NELL1: variants seen among roughly 807,000 people sequenced by gnomAD.
NELL1 encodes protein kinase C-binding protein NELL1.
A neutral mutation model predicts 107.4 loss-of-function variants in NELL1; 76 were observed. The ratio of observed to expected loss-of-function variants is 0.71; its 90% confidence interval spans 0.59 to 0.86. NELL1 has a LOEUF of 0.86. Among genes scored for constraint, NELL1 ranks in the 40% least tolerant of loss-of-function variants. The pLI is 0.00. For synonymous variants in NELL1, 353 were observed against 341.2 expected (o/e 1.03, Z -0.38); for missense variants, 1,024 against 1,005.5 (o/e 1.02, Z -0.25).
chr11:20,792,904 T>C (rs1031904807), intron 3 of NELL1, among the ~76,000 whole-genome samples: 1 of 151,982 alleles, frequency 6.6e-6, no homozygotes, highest in Non-Finnish European at 1.5e-5. Context: ...TAGATTTTTC[T>C]GTGTATTTGA....
intron 14 of NELL1, among the ~76,000 whole-genome samples, chr11:21,365,822 G>T (rs770721792): frequency 5.3e-5 from 8 of 151,392 alleles, no homozygotes; most frequent in Non-Finnish European, 1.2e-4. Context: ...GAGGTTGAGG[G>T]GGGAGGAATG....
At chr11:20,939,383 CCAAA>C (rs1850799861) in intron 10 of NELL1, among the ~76,000 whole-genome samples, 4 of 151,668 alleles carry the variant, frequency 2.6e-5, no homozygotes, top group Non-Finnish European at 5.9e-5. Flanking sequence ...TAGATAGAGA[CCAAA>C]GAGTCCCAGA....
Position 21,026,645 on chromosome 11 carries a change from A to G in NELL1, c.1300+66085A>G, listed in dbSNP as rs78917067. Among the ~76,000 whole-genome samples the G allele has an allele frequency of 3.5e-3, 535 of 152,262 alleles. 5 individuals carry two copies. Among genetic ancestry groups the G allele is most frequent in the African/African-American group, 0.012 (497 of 41,550 alleles). On this transcript the variant is annotated intron_variant, in intron 12 of 19. Coordinates refer to ENST00000357134, the MANE Select transcript of NELL1 (RefSeq NM_006157.5). ...TATAGAACATTGCCTGGAATATTCT[A>G]TGCACTCATTCAGTGTTTGTTGAAT...
At chr11:21,460,223 A>T (rs1853865393) in intron 15 of NELL1, among the ~76,000 whole-genome samples, 1 of 152,130 alleles carries the variant, frequency 6.6e-6, no homozygotes, top group Admixed American at 6.6e-5. Flanking sequence ...ATGGACAAGC[A>T]TCAGGTAAAT....
At chr11:21,017,205 C>T (rs1002457510) in intron 12 of NELL1, among the ~76,000 whole-genome samples, 3 of 152,066 alleles carry the variant, frequency 2.0e-5, no homozygotes, top group Non-Finnish European at 2.9e-5. Flanking sequence ...AAGGAGGAGC[C>T]ACCATTCTCC....
rs372396347 is a variant in NELL1 at position 21,057,734 on chromosome 11, A to G, written c.1301-55855A>G. Among the ~76,000 whole-genome samples, 8 of 152,134 alleles carry G rather than the reference A, an allele frequency of 5.3e-5. No individual in the cohort carries two copies. In the South Asian group the frequency reaches 1.5e-3, roughly 28 times the overall value. ...TCCTATTTTAAAAAATTATACCAGT[A>G]CTTAAAAATGTATCCCCAAAATATA... On this transcript the variant is annotated intron_variant, in intron 12 of 19. Coordinates refer to ENST00000357134, the MANE Select transcript of NELL1 (RefSeq NM_006157.5).
At chr11:21,406,693 A>G (rs944345809) in intron 15 of NELL1, among the ~76,000 whole-genome samples, 2 of 151,922 alleles carry the variant, frequency 1.3e-5, no homozygotes, top group African/African-American at 2.4e-5. Flanking sequence ...CTCTATTCCT[A>G]TTTATTTTTA....
At chr11:21,114,195 G>C (rs1855177082) in intron 13 of NELL1, among the ~76,000 whole-genome samples, 2 of 151,992 alleles carry the variant, frequency 1.3e-5, no homozygotes, top group Admixed American at 6.6e-5. Context: ...ATATATGCTT[G>C]TTGTCTGTGT....
At chr11:21,266,121 A>G (rs1378277800) in intron 14 of NELL1, among the ~76,000 whole-genome samples, 1 of 151,882 alleles carries the variant, frequency 6.6e-6, no homozygotes, top group African/African-American at 2.4e-5. Context: ...TCATCTATGC[A>G]CTTCCACAAC....
intron 5 of NELL1, among the ~76,000 whole-genome samples, chr11:20,894,008 T>A (rs1396661092): frequency 3.3e-5 from 5 of 152,192 alleles, no homozygotes; most frequent in Admixed American, 1.3e-4. Flanking sequence ...AACTGTATGT[T>A]GTAGCCTGGC....
At chr11:21,535,422 G>T (rs966365849) in intron 16 of NELL1, among the ~76,000 whole-genome samples, 3 of 152,134 alleles carry the variant, frequency 2.0e-5, no homozygotes, top group African/African-American at 4.8e-5. Flanking sequence ...TCTCTGCTTA[G>T]GGTATATTGT....
At chr11:21,176,675 A>G (rs1279434562) in intron 13 of NELL1, among the ~76,000 whole-genome samples, 1 of 151,876 alleles carries the variant, frequency 6.6e-6, no homozygotes, top group African/African-American at 2.4e-5. Context: ...AGGTGTCCTT[A>G]TGCACTTTGC....
intron 5 of NELL1, among the ~76,000 whole-genome samples, chr11:20,917,941 A>G (rs1850292844): frequency 6.6e-6 from 1 of 151,958 alleles, no homozygotes; most frequent in South Asian, 2.1e-4. Flanking sequence ...TGGTGTTATA[A>G]TCTATAATTG....
chr11:21,193,981 C>T (rs1857099222), intron 13 of NELL1, among the ~76,000 whole-genome samples: 1 of 151,776 alleles, frequency 6.6e-6, no homozygotes, highest in African/African-American at 2.4e-5. Context: ...CATCCTTATT[C>T]CATCAAATTT....
intron 2 of NELL1, among the ~76,000 whole-genome samples, chr11:20,762,363 C>A (rs1324429518): frequency 4.6e-5 from 7 of 152,198 alleles, no homozygotes; most frequent in Non-Finnish European, 5.9e-5. Context: ...CTGAGCACGT[C>A]TGCGGTTACG....
intron 2 of NELL1, among the ~76,000 whole-genome samples, chr11:20,725,468 C>T (rs758122102): frequency 3.3e-5 from 5 of 152,108 alleles, no homozygotes; most frequent in Middle Eastern, 3.2e-3. Context: ...GGTGATGTGG[C>T]GGCAGCAATC....
At chr11:20,725,141 T>C (rs1016979436) in intron 2 of NELL1, among the ~76,000 whole-genome samples, 3 of 152,154 alleles carry the variant, frequency 2.0e-5, no homozygotes, top group African/African-American at 7.2e-5. Flanking sequence ...ATTATATCTG[T>C]CTCCAGGATG....
chr11:21,347,216 A>G (rs971342697), intron 14 of NELL1, among the ~76,000 whole-genome samples: 3 of 152,204 alleles, frequency 2.0e-5, no homozygotes, highest in African/African-American at 7.2e-5. Context: ...GCTATGAGCT[A>G]TGTGAACAAC....
At chr11:21,375,489 C>A (rs933808927) in intron 15 of NELL1, among the ~76,000 whole-genome samples, 1 of 152,098 alleles carries the variant, frequency 6.6e-6, no homozygotes, top group African/African-American at 2.4e-5. Flanking sequence ...TTGTGAATGT[C>A]TACTGTGAAT....
Sources: allele counts gnomAD v4.1 joint callset (sites outside exome capture counted in the v4.1 genomes callset), GRCh38; gene constraint gnomAD v4.1.1; transcripts MANE v1.5; gene names NCBI Gene and HGNC (gene_info 2026-07-23, HGNC 2026-07-21).